DAB1: variants seen among roughly 807,000 people sequenced by gnomAD.
DAB1 encodes disabled homolog 1.
A neutral mutation model predicts 64.6 loss-of-function variants in DAB1; 15 were observed. The observed-to-expected ratio is 0.23, with a 90% CI of 0.16 to 0.36. The LOEUF (loss-of-function observed/expected upper bound fraction) is 0.36, where lower values mean the gene tolerates loss of function less well. Among genes scored for constraint, DAB1 ranks in the 10% least tolerant of loss-of-function variants. The probability of loss-of-function intolerance (pLI) is 1.00; values close to 1 mark genes in which losing one functional copy is unlikely to be tolerated. For missense variants in DAB1, 596 were observed against 706.7 expected, an observed-to-expected ratio of 0.84 and a Z score of 1.78; for synonymous variants, 235 against 251.9, an observed-to-expected ratio of 0.93 and a Z score of 0.64.
intron 6 of DAB1, among the ~76,000 whole-genome samples, chr1:57,788,086 T>C (rs2101854046): frequency 6.6e-6 from 1 of 152,262 alleles, no homozygotes; most frequent in Non-Finnish European, 1.5e-5. Context: ...TTACAATCCC[T>C]TGGGAAAACA....
At chr1:57,710,125 T>C (rs1647010980) in intron 6 of DAB1, among the ~76,000 whole-genome samples, 1 of 152,194 alleles carries the variant, frequency 6.6e-6, no homozygotes, top group African/African-American at 2.4e-5. Flanking sequence ...ATTGGGTGTT[T>C]AATGTTTTTG....
intron 1 of DAB1, among the ~76,000 whole-genome samples, chr1:57,375,302 G>T (rs765487429): frequency 6.6e-6 from 1 of 152,172 alleles, no homozygotes; most frequent in Non-Finnish European, 1.5e-5. Context: ...ACAATCCCAA[G>T]TCAGAGAACA....
chr1:57,247,798 C>G (rs1669001057), intron 2 of DAB1, among the ~76,000 whole-genome samples: 1 of 152,158 alleles, frequency 6.6e-6, no homozygotes, highest in Non-Finnish European at 1.5e-5. Flanking sequence ...TATGGATGCT[C>G]TTTTATGCCC....
chr1:57,536,826 T>C (rs986494563), intron 7 of DAB1, among the ~76,000 whole-genome samples: 1 of 151,368 alleles, frequency 6.6e-6, no homozygotes, highest in Non-Finnish European at 1.5e-5. Flanking sequence ...TATCCCTCCA[T>C]GCTTCTGTTC....
At chr1:57,135,895 C>T (rs548965522) in intron 4 of DAB1, among the ~76,000 whole-genome samples, 27 of 152,164 alleles carry the variant, frequency 1.8e-4, no homozygotes, top group South Asian at 4.2e-4. Flanking sequence ...TCTTGGAAAA[C>T]GGATCATAGA....
chr1:57,101,358 T>C (rs1036131033), intron 4 of DAB1, among the ~76,000 whole-genome samples: 1 of 152,248 alleles, frequency 6.6e-6, no homozygotes, highest in Admixed American at 6.5e-5. Context: ...GTTACATTAA[T>C]TAGTCACCCT....
At chr1:58,340,019 T>C (rs561867429) in intron 4 of DAB1, among the ~76,000 whole-genome samples, 68 of 152,302 alleles carry the variant, frequency 4.5e-4, no homozygotes, top group African/African-American at 1.6e-3. Context: ...TTCAAGAAGA[T>C]TTCTACCCCA....
intron 6 of DAB1, among the ~76,000 whole-genome samples, chr1:57,673,551 G>T (rs181903120): frequency 7.2e-5 from 11 of 152,176 alleles, no homozygotes; most frequent in Admixed American, 7.2e-4. Context: ...GAACATTGTG[G>T]ATGGATGAAT....
chr1:57,902,329 A>G (rs1325281211), intron 5 of DAB1, among the ~76,000 whole-genome samples: 1 of 151,918 alleles, frequency 6.6e-6, no homozygotes, highest in African/African-American at 2.4e-5. Flanking sequence ...ACTACTGGAG[A>G]ATAACTTGGC....
At chr1:57,102,458 G>A (rs901144647) in intron 4 of DAB1, among the ~76,000 whole-genome samples, 2 of 152,152 alleles carry the variant, frequency 1.3e-5, no homozygotes, top group African/African-American at 4.8e-5. Context: ...ATTCCATTTT[G>A]TAAATAGTGT....
At chr1:58,407,290 C>A (rs1644625434) in intron 3 of DAB1, among the ~76,000 whole-genome samples, 1 of 152,142 alleles carries the variant, frequency 6.6e-6, no homozygotes, top group Non-Finnish European at 1.5e-5. Context: ...CTTTAGTCTC[C>A]CTTCCACCCC....
intron 5 of DAB1, among the ~76,000 whole-genome samples, chr1:58,011,885 T>C (rs574960406): frequency 2.6e-5 from 4 of 152,212 alleles, no homozygotes; most frequent in African/African-American, 7.2e-5. Context: ...GAGACAGGGT[T>C]TTGCTATGTT....
intron 1 of DAB1, among the ~76,000 whole-genome samples, chr1:57,423,685 G>C (rs1263573815): frequency 6.6e-6 from 1 of 152,084 alleles, no homozygotes; most frequent in African/African-American, 2.4e-5. Context: ...GCGCGGGGAT[G>C]GGGGGCAGGA....
At chr1:57,371,597 T>C (rs898809445) in intron 1 of DAB1, among the ~76,000 whole-genome samples, 1 of 152,208 alleles carries the variant, frequency 6.6e-6, no homozygotes, top group African/African-American at 2.4e-5. Flanking sequence ...TGCCTGGCAG[T>C]ACTAGGCCAT....
At chr1:57,891,773 C>T (rs1229563439) in intron 5 of DAB1, among the ~76,000 whole-genome samples, 1 of 152,086 alleles carries the variant, frequency 6.6e-6, no homozygotes, top group Non-Finnish European at 1.5e-5. Flanking sequence ...CATGTTCTCA[C>T]TCATAAGTGG....
chr1:57,889,774 C>A (rs1644278508), intron 5 of DAB1, among the ~76,000 whole-genome samples: 1 of 151,758 alleles, frequency 6.6e-6, no homozygotes. Flanking sequence ...CCCTGGGGAA[C>A]TTTATATATT....
intron 9 of DAB1, among the ~76,000 whole-genome samples, chr1:57,037,266 GATTA>G (rs1385549442): frequency 6.6e-6 from 1 of 152,222 alleles, no homozygotes; most frequent in Non-Finnish European, 1.5e-5. Flanking sequence ...TTATGCAATT[GATTA>G]ATTAGTTTCT....
intron 3 of DAB1, among the ~76,000 whole-genome samples, chr1:58,367,419 A>G (rs1055795184): frequency 5.9e-5 from 9 of 152,162 alleles, no homozygotes; most frequent in Admixed American, 2.0e-4. Flanking sequence ...GTGCTTGCCA[A>G]TAAACTCATA....
intron 4 of DAB1, among the ~76,000 whole-genome samples, chr1:58,239,503 A>C (rs2100373654): frequency 6.6e-6 from 1 of 152,270 alleles, no homozygotes. Flanking sequence ...GCTACAGCAA[A>C]CCCAATCCCA....
Sources: gnomAD v4.1 joint callset for allele counts (sites outside exome capture counted in the v4.1 genomes callset) on GRCh38, gnomAD v4.1.1 for gene constraint, MANE v1.5 for transcripts, NCBI Gene and HGNC (gene_info 2026-07-23, HGNC 2026-07-21) for gene names.